HEXA: variants seen among roughly 807,000 people sequenced by gnomAD.
HEXA encodes the protein hexosaminidase subunit alpha.
A neutral mutation model predicts 73.3 loss-of-function variants in HEXA; 54 were observed. The ratio of observed to expected loss-of-function variants is 0.74; its 90% CI spans 0.59 to 0.92. The LOEUF is 0.92. Among genes scored for constraint, HEXA ranks in the 40% least tolerant of loss-of-function variants. The pLI is 0.00. For synonymous variants in HEXA, 230 were observed against 246.9 expected (o/e 0.93, Z 0.64); for missense variants, 649 against 653.0 (o/e 0.99, Z 0.07).
At chr15:72,352,354 C>T (rs2088709694) in intron 5 of HEXA, among the ~76,000 whole-genome samples, 1 of 151,454 alleles carries the variant, frequency 6.6e-6, no homozygotes, top group Non-Finnish European at 1.5e-5. Context: ...GTAATTCTAC[C>T]ACTCTGGCAG....
Position 72,345,527 on chromosome 15 carries a change from T to C in HEXA, c.1445A>G (p.Glu482Gly). The part of the protein sequence containing the change: ...RLWPRAGAVA[E>G]RLWSNKLTSD... ...TGTCAACTTGTTGCTCCACAGCCTTTCGGCAACAGCCCCTGCTCTGGGCCT... is the reference window on the plus strand; with the variant it reads ...TGTCAACTTGTTGCTCCACAGCCTTCCGGCAACAGCCCCTGCTCTGGGCCT... The change falls in exon 13 of 14, where the codon GAA (glutamate) becomes GGA (glycine). Residue 482 changes from glutamate to glycine, a missense_variant. Glu to Gly is a moderately conservative substitution (Grantham distance 98). Coordinates refer to ENST00000268097, the MANE Select transcript of HEXA (RefSeq NM_000520.6). The C allele has an allele frequency of 6.2e-7, 1 of 1,614,248 alleles. No homozygotes were observed. The highest frequency in any genetic ancestry group is 2.2e-5 in the East Asian group (1 of 44,884).
rs185509580 is a variant in HEXA at position 72,363,856 on chromosome 15, G to A, written c.254-7239C>T. On this transcript the variant is annotated intron_variant, in intron 1 of 13. Coordinates refer to ENST00000268097, the MANE Select transcript of HEXA (RefSeq NM_000520.6). ...CCCAACCCTATCCCCACTGGAAAGA[G>A]AACATCTCCCTAAAATTCTAGATCT... is the stretch of plus-strand genomic sequence containing the variant. Among the ~76,000 whole-genome samples, 242 of 151,968 alleles carry A rather than the reference G, an allele frequency of 1.6e-3. 1 individual carries two copies. The highest frequency in any genetic ancestry group is 5.7e-3 in the African/African-American group (237 of 41,290).
At chr15:72,356,336 C>T (rs2088778867) in intron 2 of HEXA, among the ~76,000 whole-genome samples, 189 bp downstream of exon 2, 1 of 152,180 alleles carries the variant, frequency 6.6e-6, no homozygotes. Context: ...CACAGCCAAC[C>T]TTTAGCACTG....
rs369217290 is a variant in HEXA at position 72,356,744 on chromosome 15, C to T, written c.254-127G>A. The T allele has an allele frequency of 1.9e-4, 267 of 1,414,086 alleles. 2 individuals are homozygous for T. In the East Asian group the frequency reaches 4.3e-3, roughly 23 times the overall value. 87.6% of individuals were successfully genotyped at this position (1,414,086 alleles called of 1,614,324 possible). On this transcript the variant is annotated intron_variant, in intron 1 of 13. Coordinates refer to ENST00000268097, the MANE Select transcript of HEXA (RefSeq NM_000520.6). ...AAGGAAAGGGAGGACATGGCATTTA[C>T]CCTTGGCATAGGCAGTGCCTGATCA...
intron 1 of HEXA, among the ~76,000 whole-genome samples, chr15:72,375,469 G>C (rs2089050199): frequency 6.6e-6 from 1 of 152,206 alleles, no homozygotes; most frequent in South Asian, 2.1e-4. Flanking sequence ...TGGCTAGCTT[G>C]AACACGGTCA....
chr15:72,346,661 T>C lies in HEXA; in HGVS notation c.1196A>G (p.Asn399Ser), dbSNP rs755973971. The C allele has an allele frequency of 6.2e-6, 10 of 1,613,986 alleles. No individual in the cohort carries two copies. In the South Asian group the frequency reaches 9.9e-5, roughly 16 times the overall value. ...IQVWREDIPVNYMKELELVTK... is the reference protein window; with the variant it reads ...IQVWREDIPVSYMKELELVTK... Reference sequence around the variant, plus strand: ...GACCAGTTCCAGCTCCTTCATATAGTTCACTGGAATATCCTCTCGCCACAC... The same window carrying C: ...GACCAGTTCCAGCTCCTTCATATAGCTCACTGGAATATCCTCTCGCCACAC... The change falls in exon 11 of 14, where the codon AAC (asparagine) becomes AGC (serine). Residue 399 changes from asparagine to serine, a missense_variant. Coordinates refer to ENST00000268097, the MANE Select transcript of HEXA (RefSeq NM_000520.6).
At chr15:72,355,222 G>C in intron 3 of HEXA, 1 of 359,978 alleles carries the variant, frequency 2.8e-6, no homozygotes. Context: ...CACGCCAATT[G>C]TTCCCATAAA....
intron 1 of HEXA, among the ~76,000 whole-genome samples, chr15:72,365,680 T>A (rs1039253457): frequency 2.0e-5 from 3 of 152,218 alleles, no homozygotes; most frequent in African/African-American, 4.8e-5. Context: ...GAGTTTGATA[T>A]GAGGTAAGGA....
At chr15:72,344,970 G>A (rs1219542502) in intron 13 of HEXA, among the ~76,000 whole-genome samples, 1 of 152,210 alleles carries the variant, frequency 6.6e-6, no homozygotes, top group Non-Finnish European at 1.5e-5. Flanking sequence ...AAATGCACCT[G>A]TCTCATGGGG....
intron 10 of HEXA, among the ~76,000 whole-genome samples, chr15:72,347,419 A>AG (rs1330444365): frequency 6.6e-6 from 1 of 151,376 alleles, no homozygotes; most frequent in Non-Finnish European, 1.5e-5. Context: ...TTTTGTAGAG[A>AG]TGAGGGTTTT....
At chr15:72,363,382 C>T (rs1445056427) in intron 1 of HEXA, among the ~76,000 whole-genome samples, 3 of 152,258 alleles carry the variant, frequency 2.0e-5, no homozygotes, top group African/African-American at 4.8e-5. Flanking sequence ...GAAGGCTTGA[C>T]GTTGAAGGGG....
At chr15:72,371,625 C>T (rs753478245) in intron 1 of HEXA, among the ~76,000 whole-genome samples, 3 of 151,388 alleles carry the variant, frequency 2.0e-5, no homozygotes, top group East Asian at 1.9e-4. Context: ...AAAACAAAAC[C>T]CAAACCCATA....
chr15:72,355,192 AT>A (rs2088758594), intron 3 of HEXA: 3 of 348,828 alleles, frequency 8.6e-6, no homozygotes, highest in Non-Finnish European at 1.7e-5. Flanking sequence ...TCCAGGGACA[AT>A]TCCACAGAGA....
At chr15:72,347,127 C>T (rs2088625799) in intron 10 of HEXA, among the ~76,000 whole-genome samples, 1 of 147,266 alleles carries the variant, frequency 6.8e-6, no homozygotes, top group Non-Finnish European at 1.5e-5. Flanking sequence ...TAACCTTGGT[C>T]CCACAGACCC....
At position 72,348,030 on chromosome 15, in the gene HEXA, C is replaced by T. The variant is rs756371964; in HGVS notation, c.1073+18G>A. 29 of 1,575,630 alleles carry T rather than the reference C, an allele frequency of 1.8e-5. No individual in the cohort carries two copies. Among genetic ancestry groups the T allele is most frequent in the Non-Finnish European group, 2.4e-5 (27 of 1,145,682 alleles). On this transcript the variant is annotated intron_variant, in intron 9 of 13. Transcript: ENST00000268097. ...GAGGACCCCCAAGGGACCCCACCCA[C>T]CCTCCTTCCTTCCTCACGTCTGGAT...
chr15:72,344,567 T>C (rs2088586141), intron 13 of HEXA, among the ~76,000 whole-genome samples: 1 of 152,224 alleles, frequency 6.6e-6, no homozygotes, highest in Non-Finnish European at 1.5e-5. Context: ...GGTGCTGTCC[T>C]GTCCATGAAC....
chr15:72,360,257 C>T (rs1230769936), intron 1 of HEXA: 1 of 153,140 alleles, frequency 6.5e-6, no homozygotes, highest in Non-Finnish European at 1.5e-5. Context: ...TGGACCACTG[C>T]AAAATAATGG....
chr15:72,346,652 T>C lies in HEXA; in HGVS notation c.1205A>G (p.Lys402Arg). Residue 402 changes from lysine to arginine, a missense_variant, in exon 11 of 14, where the codon AAG becomes AGG. By Grantham distance (26) the Lys-to-Arg change is conservative (BLOSUM62 2). Transcript: ENST00000268097. Reference sequence around the variant, plus strand: ...GGCCTTGGTGACCAGTTCCAGCTCCTTCATATAGTTCACTGGAATATCCTC... The same window carrying C: ...GGCCTTGGTGACCAGTTCCAGCTCCCTCATATAGTTCACTGGAATATCCTC... ...WREDIPVNYM[K>R]ELELVTKAGF... The C allele has an allele frequency of 6.2e-7, 1 of 1,614,108 alleles. No individual in the cohort carries two copies. The highest frequency in any genetic ancestry group is 8.5e-7 in the Non-Finnish European group (1 of 1,179,968).
At chr15:72,369,788 GA>G (rs2088964946) in intron 1 of HEXA, among the ~76,000 whole-genome samples, 1 of 152,102 alleles carries the variant, frequency 6.6e-6, no homozygotes, top group Non-Finnish European at 1.5e-5. Context: ...CTTATGCCTT[GA>G]ACAGGCTAAG....
Sources: gnomAD v4.1 joint callset for allele counts (sites outside exome capture counted in the v4.1 genomes callset) on GRCh38, gnomAD v4.1.1 for gene constraint, MANE v1.5 for transcripts, NCBI Gene and HGNC (gene_info 2026-07-23, HGNC 2026-07-21) for gene names.